Variants in PRKN observed in about 807,000 individuals in gnomAD.
PRKN encodes parkin RBR E3 ubiquitin protein ligase.
A neutral mutation model predicts 59.5 loss-of-function variants in PRKN; 56 were observed. The observed-to-expected ratio is 0.94, with a 90% confidence interval of 0.76 to 1.18. The LOEUF is 1.18. PRKN is among the 50% of genes most tolerant of loss of function. The probability of loss-of-function intolerance (pLI) is 0.00; values close to 1 mark genes in which losing one functional copy is unlikely to be tolerated. For synonymous variants in PRKN, 250 were observed against 222.1 expected, an observed-to-expected ratio of 1.13 and a Z score of -1.12; for missense variants, 657 against 596.4, an observed-to-expected ratio of 1.10 and a Z score of -1.06.
chr6:161,508,274 T>C (rs1243563550), intron 9 of PRKN, among the ~76,000 whole-genome samples: 1 of 152,206 alleles, frequency 6.6e-6, no homozygotes, highest in Non-Finnish European at 1.5e-5. Context: ...TAAAATCAGA[T>C]TCAAGACCTT....
intron 2 of PRKN, among the ~76,000 whole-genome samples, chr6:162,425,414 T>G (rs1789185585): frequency 6.6e-6 from 1 of 152,162 alleles, no homozygotes; most frequent in Admixed American, 6.5e-5. Context: ...CAGGATTAGT[T>G]ACCTAAGAAC....
In PRKN at chr6:161,695,904, C is replaced by T. The variant is rs113178159; in HGVS notation, c.871+89868G>A. 7.9e-3 allele frequency among the ~76,000 whole-genome samples: 1,198 copies of T among 152,258 alleles called. 7 individuals are homozygous for T. Among genetic ancestry groups the T allele is most frequent in the Non-Finnish European group, 0.011 (781 of 68,020 alleles). On this transcript the variant is annotated intron_variant, in intron 7 of 11. Transcript: ENST00000366898. ...GCGTGATCAATTTTAAGCAAATAGA[C>T]GATGAGAAATACTTTTCTGATTACA...
rs1281409086 is a variant in PRKN at position 162,480,027 on chromosome 6, T to C, written c.8-36554A>G. ...TTGCAGTGGGCCAAGATTGTGCCACTGCACTCCAGCCTGGGTGAGAGAGCA... is the reference window on the plus strand; with the variant it reads ...TTGCAGTGGGCCAAGATTGTGCCACCGCACTCCAGCCTGGGTGAGAGAGCA... On this transcript the variant is annotated intron_variant, in intron 1 of 11. Transcript: ENST00000366898. 2.0e-5 allele frequency among the ~76,000 whole-genome samples: 3 copies of C among 151,150 alleles called. No homozygotes were observed. In the East Asian group the frequency reaches 5.9e-4, roughly 30 times the overall value.
rs1014143676 is a variant in PRKN at position 161,390,600 on chromosome 6, C to T, written c.1084-3723G>A. On this transcript the variant is annotated intron_variant, in intron 9 of 11. Coordinates refer to ENST00000366898, the MANE Select transcript of PRKN (RefSeq NM_004562.3). The surrounding 1 kb of genome is among the most constrained non-coding windows in gnomAD (Gnocchi z 7.0). ...GCCTCCCGGGTTCAAGCAATTCTCC[C>T]GTCTCAGCCTCCTGAGTAGCTGGGA... Among the ~76,000 whole-genome samples, 10 of 152,050 alleles carry T rather than the reference C, an allele frequency of 6.6e-5. No homozygotes were observed. The highest frequency in any genetic ancestry group is 1.2e-4 in the Non-Finnish European group (8 of 68,010).
At chr6:161,861,599 T>A (rs6919453) in intron 6 of PRKN, among the ~76,000 whole-genome samples, 68,816 of 138,830 alleles carry the variant, frequency 0.5, 16,352 homozygotes, top group East Asian at 0.75. Context: ...AAAATTTTTT[T>A]AAAAAGTATA....
At chr6:162,620,550 A>G in intron 1 of PRKN, among the ~76,000 whole-genome samples, 1 of 152,286 alleles carries the variant, frequency 6.6e-6, no homozygotes, top group East Asian at 1.9e-4. Flanking sequence ...GCTGCATAAG[A>G]AAGAGTTTTG....
intron 1 of PRKN, among the ~76,000 whole-genome samples, chr6:162,611,790 T>C (rs1782162488): frequency 6.6e-6 from 1 of 152,184 alleles, no homozygotes; most frequent in Non-Finnish European, 1.5e-5. Context: ...GGTAAATGTT[T>C]GTTGTACAAG....
chr6:161,554,401 T>TCTAC lies in PRKN; in HGVS notation c.934-5399_934-5398insGTAG, dbSNP rs1554275645. On this transcript the variant is annotated intron_variant, in intron 8 of 11. Transcript: ENST00000366898. The surrounding 1 kb of genome is among the most constrained non-coding windows in gnomAD (Gnocchi z 4.5). Reference sequence around the variant, plus strand: ...CTTAACCTTCATGTTATCTTACTTCTATACACACACACACACACACACACA... The same window carrying TCTAC: ...CTTAACCTTCATGTTATCTTACTTCTCTACATACACACACACACACACACACACA... Among the ~76,000 whole-genome samples the TCTAC allele has an allele frequency of 2.5e-5, 1 of 39,304 alleles. No homozygotes were observed. The highest frequency in any genetic ancestry group is 4.5e-5 in the Non-Finnish European group (1 of 22,450). 25.8% of individuals were successfully genotyped at this position (39,304 alleles called of 152,430 possible).
At chr6:161,967,464 C>T (rs187545123) in intron 6 of PRKN, among the ~76,000 whole-genome samples, 9 of 152,268 alleles carry the variant, frequency 5.9e-5, no homozygotes, top group Admixed American at 6.5e-5. Context: ...GGATTTTACA[C>T]GGAAACCAAA....
chr6:161,556,907 T>G lies in PRKN; in HGVS notation c.934-7904A>C, dbSNP rs540858363. On this transcript the variant is annotated intron_variant, in intron 8 of 11. Transcript: ENST00000366898. ...GTGTGTGTGTAGATATGCTAATATT[T>G]ACATGTCAAACTATACTGACAGTTT... Among the ~76,000 whole-genome samples, 6 of 152,210 alleles carry G rather than the reference T, an allele frequency of 3.9e-5. No individual in the cohort carries two copies. The Middle Eastern group carries it at 0.01, about 259-fold the overall frequency.
intron 2 of PRKN, among the ~76,000 whole-genome samples, chr6:162,311,735 G>A (rs562895683): frequency 3.9e-5 from 6 of 152,090 alleles, no homozygotes; most frequent in African/African-American, 1.4e-4. Context: ...AGACTGCTCA[G>A]TGCTTAGGGT....
At chr6:162,013,680 C>T (rs981332752) in intron 5 of PRKN, among the ~76,000 whole-genome samples, 2 of 152,158 alleles carry the variant, frequency 1.3e-5, no homozygotes, top group African/African-American at 2.4e-5. Flanking sequence ...TTCTGTGACA[C>T]TGATAAATCT....
chr6:161,915,860 G>C lies in PRKN; in HGVS notation c.734+57442C>G, dbSNP rs150930648. On this transcript the variant is annotated intron_variant, in intron 6 of 11. Transcript: ENST00000366898. ...CCATTGACAGAGAGCAAGAGAGAAA[G>C]CATGCACACAAGAGAGGGTCCCCAT... is the stretch of plus-strand genomic sequence containing the variant. Among the ~76,000 whole-genome samples, 17 of 152,302 alleles carry C rather than the reference G, an allele frequency of 1.1e-4. No homozygotes were observed. In the East Asian group the frequency reaches 3.3e-3, roughly 29 times the overall value.
chr6:162,148,217 A>G (rs1782111787), intron 4 of PRKN, among the ~76,000 whole-genome samples: 1 of 152,194 alleles, frequency 6.6e-6, no homozygotes, highest in Non-Finnish European at 1.5e-5. Context: ...AAACATTAGT[A>G]TCTTCTCCCT....
intron 6 of PRKN, among the ~76,000 whole-genome samples, chr6:161,811,941 A>AATAC (rs1171783835): frequency 6.6e-6 from 1 of 151,860 alleles, no homozygotes; most frequent in Non-Finnish European, 1.5e-5. Flanking sequence ...TAAATAAATA[A>AATAC]ATAAAAATTA....
Position 162,016,786 on chromosome 6 carries a change from T to A in PRKN, c.618+37305A>T, listed in dbSNP as rs143337697. Among the ~76,000 whole-genome samples, 296 of 152,164 alleles carry A rather than the reference T, an allele frequency of 1.9e-3. 3 individuals are homozygous for A. Among genetic ancestry groups the A allele is most frequent in the African/African-American group, 6.5e-3 (272 of 41,530 alleles). On this transcript the variant is annotated intron_variant, in intron 5 of 11. Coordinates refer to ENST00000366898, the MANE Select transcript of PRKN (RefSeq NM_004562.3). ...TTTACCAGGGAGATGTCATGGAGCT[T>A]TAGGCACAGGATCCTGGCGATAAAG...
intron 1 of PRKN, among the ~76,000 whole-genome samples, chr6:162,621,756 T>C (rs1583925032): frequency 1.3e-5 from 2 of 152,316 alleles, no homozygotes; most frequent in Non-Finnish European, 1.5e-5. Flanking sequence ...CCTAACTCTT[T>C]AATGTTCCAT....
chr6:162,510,407 C>T (rs1777544592), intron 1 of PRKN, among the ~76,000 whole-genome samples: 1 of 152,126 alleles, frequency 6.6e-6, no homozygotes, highest in Non-Finnish European at 1.5e-5. Context: ...GAGGGCGACA[C>T]TCCTAGGTAA....
chr6:162,390,366 A>C (rs1053399729), intron 2 of PRKN, among the ~76,000 whole-genome samples: 2 of 112,456 alleles, frequency 1.8e-5, no homozygotes, highest in South Asian at 5.3e-4. Context: ...TGGTGATTAT[A>C]CTGCTAAGGT....
Sources: gnomAD v4.1 joint callset for allele counts (sites outside exome capture counted in the v4.1 genomes callset) on GRCh38, gnomAD v4.1.1 for gene constraint, Gnocchi (gnomAD v3.1) non-coding constraint, MANE v1.5 for transcripts, NCBI Gene and HGNC (gene_info 2026-07-23, HGNC 2026-07-21) for gene names.